HOOK3: variants seen among roughly 807,000 people sequenced by gnomAD.
HOOK3 encodes the protein hook microtubule tethering protein 3, also known as protein Hook homolog 3.
HOOK3 carries 24 observed loss-of-function variants against 116.3 expected under a neutral mutation model. That is an observed-to-expected ratio of 0.21 (90% CI 0.15 to 0.29). The LOEUF is 0.29. HOOK3 is among the 10% of genes least tolerant of loss of function. The pLI, the probability that HOOK3 is intolerant of heterozygous loss-of-function variation, is 1.00. For synonymous variants in HOOK3, 275 were observed against 283.0 expected, an observed-to-expected ratio of 0.97 and a Z score of 0.28; for missense variants, 632 against 830.2, an observed-to-expected ratio of 0.76 and a Z score of 2.93.
intron 4 of HOOK3, among the ~76,000 whole-genome samples, chr8:42,939,674 T>G (rs1808061813): frequency 6.7e-6 from 1 of 149,686 alleles, no homozygotes; most frequent in South Asian, 2.1e-4. Flanking sequence ...GAGACGCTCC[T>G]CACTCCCCAG....
At chr8:42,973,105 T>C (rs961074775) in intron 11 of HOOK3, among the ~76,000 whole-genome samples, 184 bp from the exon 12 acceptor site, 2 of 152,226 alleles carry the variant, frequency 1.3e-5, no homozygotes, top group East Asian at 1.9e-4. Flanking sequence ...ATGATTCTGG[T>C]TGGGACCGAA....
chr8:42,918,626 ACT>A (rs1366169335), intron 2 of HOOK3, among the ~76,000 whole-genome samples: 5 of 151,842 alleles, frequency 3.3e-5, no homozygotes, highest in Non-Finnish European at 5.9e-5. Flanking sequence ...AGTGGTGATG[ACT>A]CTTAACGAGT....
chr8:42,916,262 A>G (rs934818507), intron 2 of HOOK3, among the ~76,000 whole-genome samples: 1 of 152,232 alleles, frequency 6.6e-6, no homozygotes, highest in African/African-American at 2.4e-5. Context: ...ATGTGGAATT[A>G]TACAATTTAA....
chr8:42,997,830 G>A (rs553548720), intron 16 of HOOK3, 193 bp downstream of exon 16: 11 of 480,402 alleles, frequency 2.3e-5, no homozygotes, highest in Non-Finnish European at 3.8e-5. Context: ...CTTCAGATTC[G>A]CTCTGCTGGG....
At chr8:42,979,965 CTTT>C (rs1194992402) in intron 13 of HOOK3, among the ~76,000 whole-genome samples, 1 of 138,640 alleles carries the variant, frequency 7.2e-6, no homozygotes. Context: ...TTTTTCTTTT[CTTT>C]TTTTTTTTTT....
chr8:43,004,800 C>G (rs1304169761), intron 17 of HOOK3, among the ~76,000 whole-genome samples: 2 of 151,784 alleles, frequency 1.3e-5, no homozygotes, highest in African/African-American at 4.8e-5. Context: ...AATTCTCATC[C>G]ATTGCTGGTA....
At position 42,986,648 on chromosome 8, in the gene HOOK3, C is replaced by A; in HGVS notation, c.1392-7C>A. 5.6e-6 allele frequency: 9 copies of A among 1,603,062 alleles called. No homozygotes were observed. Among genetic ancestry groups the A allele is most frequent in the South Asian group, 2.2e-5 (2 of 89,336 alleles). On this transcript the variant is annotated splice_region_variant and splice_polypyrimidine_tract_variant and intron_variant, in intron 14 of 21. Transcript: ENST00000307602. ...TATAATATTTAGTTTTTATTTTGTT[C>A]ATTCAGGGAGAAACTTATTCGTCTT...
In HOOK3 at chr8:42,964,344, T is replaced by G. The variant is rs760141067; in HGVS notation, c.649T>G (p.Leu217Val). 1 of 1,614,218 alleles carries G rather than the reference T, an allele frequency of 6.2e-7. No homozygotes were observed. Among genetic ancestry groups the G allele is most frequent in the East Asian group, 2.2e-5 (1 of 44,892 alleles). Reference protein sequence around the residue: ...AALQEEKSSLLAENQVLMERL... With the variant: ...AALQEEKSSLVAENQVLMERL... ...ATTGCAGGAAGAGAAAAGTAGTTTG[T>G]TGGCAGAGAATCAGGTATTAATGGA... Residue 217 changes from leucine (L) to valine (V), a missense_variant, in exon 9 of 22, where the codon TTG becomes GTG. Around this residue, in one of 3 missense-constraint regions of HOOK3, gnomAD observed 483 missense variants for 648.1 expected, o/e 0.75. Coordinates refer to ENST00000307602, the MANE Select transcript of HOOK3 (RefSeq NM_032410.4).
intron 11 of HOOK3, among the ~76,000 whole-genome samples, chr8:42,970,188 CCTTT>C (rs1232102578): frequency 6.6e-5 from 10 of 152,148 alleles, no homozygotes; most frequent in Admixed American, 2.6e-4. Flanking sequence ...ATTTAATAGT[CCTTT>C]CTTCCACAAT....
In HOOK3 at chr8:42,943,343, C is replaced by T; in HGVS notation, c.298C>T (p.Leu100Phe). 1.3e-6 allele frequency: 2 copies of T among 1,536,518 alleles called. No homozygotes were observed. The highest frequency in any genetic ancestry group is 1.8e-6 in the Non-Finnish European group (2 of 1,139,118). Residue 100 changes from leucine (L) to phenylalanine (F), a missense_variant, in exon 5 of 22, where the codon CTT becomes TTT. By Grantham distance (22) the Leu-to-Phe change is conservative. Transcript: ENST00000307602. Reference protein sequence around the residue: ...ILGQQINDFTLPDVNLIGEHS... With the variant: ...ILGQQINDFTFPDVNLIGEHS... ...AGGACAGCAAATTAATGACTTTACC[C>T]TTCCTGATGTGAACCTTATTGGGGA...
chr8:42,931,457 A>G (rs1187286363), intron 4 of HOOK3, among the ~76,000 whole-genome samples: 5 of 108,756 alleles, frequency 4.6e-5, no homozygotes, highest in Non-Finnish European at 8.5e-5. Flanking sequence ...TTTGAGACGG[A>G]GTCTCGCTCT....
chr8:42,944,908 A>AT (rs1262268094), intron 5 of HOOK3, among the ~76,000 whole-genome samples: 1 of 152,068 alleles, frequency 6.6e-6, no homozygotes, highest in Admixed American at 6.6e-5. Flanking sequence ...ACTGTCTTTT[A>AT]TTTTTTCCCA....
intron 9 of HOOK3, among the ~76,000 whole-genome samples, chr8:42,964,950 T>C (rs2130422024): frequency 6.6e-6 from 1 of 152,342 alleles, no homozygotes; most frequent in African/African-American, 2.4e-5. Context: ...GTCTAGGAAG[T>C]GTTCTATCAG....
rs540934227 is a variant in HOOK3, at chr8:43,026,702, C to T, written c.*8204C>T. 17 of 222,550 alleles carry T rather than the reference C, an allele frequency of 7.6e-5. No individual in the cohort carries two copies. In the South Asian group the frequency reaches 2.2e-3, roughly 29 times the overall value. The allele number at this position is 222,550 out of a possible 1,614,324, so 13.8% of individuals were successfully genotyped here. A position where few individuals can be genotyped will look rare whatever the true frequency, so the allele number is the denominator to read the frequency against. ...TTGCCCCTAACTTCAGCAGTGCCTC[C>T]GTCACTGCATGTACCTAAAAGACAG... On this transcript the variant is annotated 3_prime_UTR_variant, in exon 22 of 22. Transcript: ENST00000307602.
chr8:43,000,105 G>A (rs373925126), intron 16 of HOOK3, among the ~76,000 whole-genome samples: 13 of 152,142 alleles, frequency 8.5e-5, no homozygotes, highest in African/African-American at 2.7e-4. Flanking sequence ...CAGAGATTGC[G>A]CCACTACACT....
At chr8:43,015,812 G>A (rs1267642558) in intron 21 of HOOK3, among the ~76,000 whole-genome samples, 1 of 151,890 alleles carries the variant, frequency 6.6e-6, no homozygotes, top group African/African-American at 2.4e-5. Context: ...TCCGCCTCCC[G>A]GGTTCAAGCA....
intron 13 of HOOK3, among the ~76,000 whole-genome samples, chr8:42,981,060 T>TTC (rs1406514751): frequency 6.6e-6 from 1 of 151,076 alleles, no homozygotes; most frequent in African/African-American, 2.4e-5. Context: ...ATAATTTTTT[T>TTC]TTTTTTTTTG....
rs1808636620 is a variant in HOOK3 at position 42,966,575 on chromosome 8, T to C, written c.882T>C (p.Asp294=). ...ATGATGAACTGACCACTTTGGCAGA[T>C]GAAGCTCAGTCTCTGAAAGATGAGA... ...QQNDELTTLA[D]EAQSLKDEID... is the part of the protein sequence containing the mutation. The change falls in exon 10 of 22, where the codon GAT becomes GAC. Residue 294 remains aspartate, a synonymous_variant. Transcript: ENST00000307602. 6.2e-7 allele frequency: 1 copy of C among 1,614,058 alleles called. No homozygotes were observed. The highest frequency in any genetic ancestry group is 1.3e-5 in the African/African-American group (1 of 74,926).
chr8:42,967,611 A>C (rs1442590133), intron 10 of HOOK3, among the ~76,000 whole-genome samples: 1 of 151,714 alleles, frequency 6.6e-6, no homozygotes, highest in East Asian at 1.9e-4. Flanking sequence ...GGGAGTTATT[A>C]CTCTCTCCTT....
Sources: gnomAD v4.1 joint callset for allele counts (sites outside exome capture counted in the v4.1 genomes callset) on GRCh38, gnomAD v4.1.1 for gene constraint, gnomAD v4.1.1 regional missense constraint, MANE v1.5 for transcripts, NCBI Gene and HGNC (gene_info 2026-07-23, HGNC 2026-07-21) for gene names.